The following RXFP1 variants were observed in gnomAD, a reference collection of about 807,000 sequenced individuals.
RXFP1 encodes the protein relaxin receptor 1.
A neutral mutation model predicts 89.8 loss-of-function variants in RXFP1; 73 were observed. The ratio of observed to expected loss-of-function variants is 0.81; its 90% CI spans 0.67 to 0.99. The LOEUF is 0.99. Among genes scored for constraint, RXFP1 ranks in the 50% least tolerant of loss-of-function variants. RXFP1 has a pLI of 0.00. For synonymous variants in RXFP1, 277 were observed against 305.5 expected, an observed-to-expected ratio of 0.91 and a Z score of 0.97; for missense variants, 793 against 895.5, an observed-to-expected ratio of 0.89 and a Z score of 1.46.
chr4:158,634,622 C>A (rs1007583429), intron 12 of RXFP1, among the ~76,000 whole-genome samples: 7 of 152,068 alleles, frequency 4.6e-5, no homozygotes, highest in African/African-American at 1.7e-4. Flanking sequence ...TGTCATGAAG[C>A]TTTTCCTGTA....
Position 158,566,508 on chromosome 4 carries a change from C to T in RXFP1, c.50-6190C>T, listed in dbSNP as rs61355713. On this transcript the variant is annotated intron_variant, in intron 1 of 17. Transcript: ENST00000307765. The stretch of plus-strand genomic sequence containing the variant: ...CCTCCCGAGTAGCTGGGATTACAGG[C>T]GCCCGCCATCACACCCAGCTAACCT... Among the ~76,000 whole-genome samples, 293 of 152,206 alleles carry T rather than the reference C, an allele frequency of 1.9e-3. 6 individuals carry two copies. In the East Asian group the frequency reaches 0.036, roughly 19 times the overall value.
chr4:158,618,235 G>C (rs1413731909), intron 9 of RXFP1, among the ~76,000 whole-genome samples: 1 of 152,044 alleles, frequency 6.6e-6, no homozygotes, highest in Admixed American at 6.5e-5. Flanking sequence ...TACAGCCTCT[G>C]TAATCCCAAC....
chr4:158,599,209 CAT>C (rs1388003000), intron 3 of RXFP1, 115 bp from the exon 4 acceptor site: 1 of 1,514,924 alleles, frequency 6.6e-7, no homozygotes, highest in Middle Eastern at 1.7e-4. Context: ...CTACGTAGCA[CAT>C]GATATGCTTT....
intron 3 of RXFP1, among the ~76,000 whole-genome samples, chr4:158,595,434 T>C (rs1386821258): frequency 6.6e-6 from 1 of 152,238 alleles, no homozygotes; most frequent in Non-Finnish European, 1.5e-5. Flanking sequence ...AGTGCCTTCC[T>C]GGTCATATCC....
At chr4:158,641,465 C>T (rs1012454717) in intron 14 of RXFP1, among the ~76,000 whole-genome samples, 6 of 152,138 alleles carry the variant, frequency 3.9e-5, no homozygotes, top group African/African-American at 9.7e-5. Context: ...GCAGCCAAAG[C>T]GGCAAACAGA....
At chr4:158,582,774 A>G (rs1757626525) in intron 2 of RXFP1, among the ~76,000 whole-genome samples, 1 of 152,162 alleles carries the variant, frequency 6.6e-6, no homozygotes, top group African/African-American at 2.4e-5. Context: ...GAGCCCAGAA[A>G]CCAATATGGG....
chr4:158,643,144 G>A (rs186780592), intron 14 of RXFP1, among the ~76,000 whole-genome samples: 1 of 152,296 alleles, frequency 6.6e-6, no homozygotes, highest in Non-Finnish European at 1.5e-5. Context: ...GAGCCTCCAT[G>A]TTGAACATGC....
intron 9 of RXFP1, among the ~76,000 whole-genome samples, chr4:158,617,511 C>T (rs1388197919): frequency 3.3e-5 from 5 of 151,664 alleles, no homozygotes; most frequent in Non-Finnish European, 4.4e-5. Context: ...CTCCCCCTTT[C>T]CCTGCTGGTA....
chr4:158,645,261 A>G, intron 15 of RXFP1, 123 bp downstream of exon 15: 1 of 694,712 alleles, frequency 1.4e-6, no homozygotes, highest in Admixed American at 3.0e-5. Context: ...TTTTGCTTGT[A>G]TGCTGTTTTC....
chr4:158,648,740 T>C (rs751015153), intron 17 of RXFP1, 23 bp downstream of exon 17: 12 of 1,328,582 alleles, frequency 9.0e-6, no homozygotes, highest in Admixed American at 8.4e-5. Flanking sequence ...TTAATCTCCT[T>C]AAAGAAATAA....
At chr4:158,589,491 A>G (rs929519679) in intron 2 of RXFP1, among the ~76,000 whole-genome samples, 19 of 152,268 alleles carry the variant, frequency 1.2e-4, no homozygotes, top group African/African-American at 4.6e-4. Flanking sequence ...CTCTGGCTCC[A>G]GTTATAATAG....
chr4:158,584,201 G>T (rs144566927), intron 2 of RXFP1, among the ~76,000 whole-genome samples: 30 of 152,266 alleles, frequency 2.0e-4, no homozygotes, highest in African/African-American at 7.2e-4. Context: ...TTGGGAGGCC[G>T]AGGTGGGTGG....
rs1433083589 is a variant in RXFP1, at chr4:158,643,501, C to T, written c.1116-1408C>T. Among the ~76,000 whole-genome samples the T allele has an allele frequency of 7.1e-5, 9 of 125,966 alleles. No individual in the cohort carries two copies. The South Asian group carries it at 2.1e-3, about 29-fold the overall frequency. 82.6% of individuals were successfully genotyped at this position (125,966 alleles called of 152,430 possible). ...TTTTTTTTTTTTGGAGACAGAGTCT[C>T]TCTTTGTCACCCAGGCTGGAGTGCA... On this transcript the variant is annotated intron_variant, in intron 14 of 17. Coordinates refer to ENST00000307765, the MANE Select transcript of RXFP1 (RefSeq NM_021634.4).
At chr4:158,624,967 T>C (rs1428398479) in intron 9 of RXFP1, among the ~76,000 whole-genome samples, 2 of 152,168 alleles carry the variant, frequency 1.3e-5, no homozygotes, top group Non-Finnish European at 2.9e-5. Context: ...TTTCACAAAT[T>C]AGTAAATTAG....
At chr4:158,617,834 G>GTCTC (rs1764889441) in intron 9 of RXFP1, among the ~76,000 whole-genome samples, 1 of 152,002 alleles carries the variant, frequency 6.6e-6, no homozygotes, top group South Asian at 2.1e-4. Flanking sequence ...AACTCCCTCT[G>GTCTC]TCTCTTATTT....
chr4:158,538,314 G>A (rs940672845), intron 1 of RXFP1, among the ~76,000 whole-genome samples: 2 of 152,180 alleles, frequency 1.3e-5, no homozygotes, highest in African/African-American at 4.8e-5. Flanking sequence ...AAGTCCAAGT[G>A]AGAGACAGCT....
At chr4:158,606,996 T>C in intron 5 of RXFP1, 1 of 1,301,398 alleles carries the variant, frequency 7.7e-7, no homozygotes. Flanking sequence ...CTCATATTGA[T>C]TTCTTTCTTA....
intron 12 of RXFP1, among the ~76,000 whole-genome samples, chr4:158,637,090 G>A (rs1461122271): frequency 6.6e-6 from 1 of 152,100 alleles, no homozygotes; most frequent in Non-Finnish European, 1.5e-5. Context: ...TGTTTTTTAA[G>A]GCTGAATAGT....
At chr4:158,627,979 G>A (rs981330231) in intron 10 of RXFP1, among the ~76,000 whole-genome samples, 4 of 152,170 alleles carry the variant, frequency 2.6e-5, no homozygotes, top group Admixed American at 2.6e-4. Flanking sequence ...AGAATATTGG[G>A]AAATGGTGGT....
Sources: gnomAD v4.1 joint callset for allele counts (sites outside exome capture counted in the v4.1 genomes callset) on GRCh38, gnomAD v4.1.1 for gene constraint, MANE v1.5 for transcripts, NCBI Gene and HGNC (gene_info 2026-07-23, HGNC 2026-07-21) for gene names.